Variants in CC2D1A observed in about 807,000 individuals in gnomAD.
CC2D1A encodes the protein coiled-coil and C2 domain-containing protein 1A.
In CC2D1A, 68 loss-of-function variants were observed where a neutral mutation model predicts 123.8. The ratio of observed to expected loss-of-function variants is 0.55; its 90% confidence interval spans 0.45 to 0.67. The LOEUF (loss-of-function observed/expected upper bound fraction) is 0.67, where lower values mean the gene tolerates loss of function less well. Ranked by LOEUF, CC2D1A falls within the 30% of genes least tolerant of loss-of-function variation. The probability of loss-of-function intolerance (pLI) is 0.00; values close to 1 mark genes in which losing one functional copy is unlikely to be tolerated. For synonymous variants in CC2D1A, 477 were observed against 528.0 expected (o/e 0.90, Z 1.32); for missense variants, 1,185 against 1,290.3 (o/e 0.92, Z 1.25).
chr19:13,926,380 A>G (rs2145365400), intron 17 of CC2D1A, 137 bp from the exon 18 acceptor site: 1 of 672,142 alleles, frequency 1.5e-6, no homozygotes, highest in Non-Finnish European at 2.6e-6. Flanking sequence ...AAATGAGCCC[A>G]GGAGCTGAGA....
chr19:13,912,345 TG>T lies in CC2D1A; in HGVS notation c.220del (p.Glu74ArgfsTer8). On this transcript the variant is annotated frameshift_variant, in exon 3 of 29. Transcript: ENST00000318003. LOFTEE classifies it high-confidence loss of function. ...GKGPLPMEAI[E>X]KMASLCMRDP... ...CAGGTCCCTTGCCGATGGAGGCCAT[TG>T]AGAAGATGGCCAGCCTGTGCATGAG... 6.2e-7 allele frequency: 1 copy of T among 1,610,344 alleles called. No individual in the cohort carries two copies. The highest frequency in any genetic ancestry group is 8.5e-7 in the Non-Finnish European group (1 of 1,178,476).
Position 13,906,601 on chromosome 19 carries a change from CACA to C in CC2D1A, c.60+101_60+103del, listed in dbSNP as rs1970747956. Reference sequence around the variant, plus strand: ...CCCCAGGGAAGCCCGATCTCCGCCCCACAGGTAAGCCCCGGTCCCCGCCTCCCC... The same window carrying C: ...CCCCAGGGAAGCCCGATCTCCGCCCCGGTAAGCCCCGGTCCCCGCCTCCCC... On this transcript the variant is annotated intron_variant, in intron 1 of 28. Transcript: ENST00000318003. The surrounding 1 kb of genome is among the most constrained non-coding windows in gnomAD (Gnocchi z 4.1). 1 of 699,300 alleles carries C rather than the reference CACA, an allele frequency of 1.4e-6. No individual in the cohort carries two copies. Among genetic ancestry groups the C allele is most frequent in the South Asian group, 2.1e-5 (1 of 46,548 alleles). The allele number at this position is 699,300 out of a possible 1,614,324, so 43.3% of individuals were successfully genotyped here.
intron 3 of CC2D1A, 35 bp downstream of exon 3, chr19:13,912,473 G>T: frequency 1.2e-6 from 2 of 1,614,008 alleles, no homozygotes; most frequent in Non-Finnish European, 1.7e-6. Context: ...GCTCTGATCC[G>T]GTTGCCCCCA....
intron 14 of CC2D1A, among the ~76,000 whole-genome samples, chr19:13,921,592 C>A (rs1442646760): frequency 6.6e-6 from 1 of 151,934 alleles, no homozygotes; most frequent in Non-Finnish European, 1.5e-5. Flanking sequence ...AACTGGGCGC[C>A]CAGCAAAGGC....
chr19:13,918,560 C>T lies in CC2D1A; in HGVS notation c.930C>T (p.Cys310=), dbSNP rs1462298940. ...LSRGEPVDLS[C]LPPPPDQLPP... ...GGGGTGAGCCCGTGGACCTCTCCTG[C>T]CTGCCCCCTCCACCCGGTGAGAACC... The change falls in exon 8 of 29, where the codon TGC becomes TGT. Residue 310 remains cysteine (C), a synonymous_variant. Transcript: ENST00000318003. 6.2e-7 allele frequency: 1 copy of T among 1,613,620 alleles called. No homozygotes were observed. The highest frequency in any genetic ancestry group is 8.5e-7 in the Non-Finnish European group (1 of 1,179,948).
rs887060252 is a variant in CC2D1A, at chr19:13,906,660, G to A, written c.60+159G>A. On this transcript the variant is annotated intron_variant, in intron 1 of 28. Transcript: ENST00000318003. The surrounding 1 kb of genome is among the most constrained non-coding windows in gnomAD (Gnocchi z 4.1). The stretch of plus-strand genomic sequence containing the variant: ...TGAGGCTCCAACACCACCCAAGTGT[G>A]GCCTACTGGCCTTGGCTCCCCAGCT... 6.6e-6 allele frequency among the ~76,000 whole-genome samples: 1 copy of A among 152,194 alleles called. No homozygotes were observed. The highest frequency in any genetic ancestry group is 1.5e-5 in the Non-Finnish European group (1 of 68,034).
At position 13,919,456 on chromosome 19, in the gene CC2D1A, C is replaced by G. The variant is rs570606151; in HGVS notation, c.1222+254C>G. ...GTCTGCACTGTAGAAATTGGCAAACCGGCTGGACGAGGTGGTCATGTCTGT... is the reference window on the plus strand; with the variant it reads ...GTCTGCACTGTAGAAATTGGCAAACGGGCTGGACGAGGTGGTCATGTCTGT... On this transcript the variant is annotated intron_variant, in intron 11 of 28. Transcript: ENST00000318003. Among the ~76,000 whole-genome samples, 14 of 152,216 alleles carry G rather than the reference C, an allele frequency of 9.2e-5. No individual in the cohort carries two copies. In the South Asian group the frequency reaches 2.9e-3, roughly 32 times the overall value.
At chr19:13,909,565 G>A in intron 1 of CC2D1A, 1 of 516,836 alleles carries the variant, frequency 1.9e-6, no homozygotes, top group Non-Finnish European at 3.7e-6. Context: ...ACTTGGCCCA[G>A]CAGCACATCA....
chr19:13,914,927 G>A (rs557546670), intron 6 of CC2D1A, among the ~76,000 whole-genome samples: 1 of 152,354 alleles, frequency 6.6e-6, no homozygotes, highest in East Asian at 1.9e-4. Context: ...TTTGTGATAT[G>A]AACACGGGGC....
intron 9 of CC2D1A, 38 bp downstream of exon 9, chr19:13,918,855 G>A (rs756537978): frequency 3.7e-6 from 6 of 1,610,392 alleles, no homozygotes; most frequent in Admixed American, 1.7e-5. Flanking sequence ...GGGCAGGCTG[G>A]AGCCAGACTG....
At chr19:13,919,261 C>T in intron 11 of CC2D1A, 59 bp downstream of exon 11, 4 of 1,356,552 alleles carry the variant, frequency 2.9e-6, no homozygotes, top group South Asian at 2.7e-5. Flanking sequence ...GGCCCCGCCC[C>T]CAGAGGCCCC....
chr19:13,930,425 A>T lies in CC2D1A; in HGVS notation c.*30A>T. The T allele has an allele frequency of 6.3e-7, 1 of 1,583,198 alleles. No homozygotes were observed. The highest frequency in any genetic ancestry group is 8.6e-7 in the Non-Finnish European group (1 of 1,166,032). On this transcript the variant is annotated 3_prime_UTR_variant, in exon 29 of 29. Transcript: ENST00000318003. The surrounding 1 kb of genome is among the most constrained non-coding windows in gnomAD (Gnocchi z 6.8). ...CCCATGGGGCGGGCAGCCCCCAGAA[A>T]GCGGGCAGCAGGCCCCGATACCGGG... is the stretch of plus-strand genomic sequence containing the variant.
chr19:13,927,325 T>A, intron 22 of CC2D1A, 60 bp downstream of exon 22: 1 of 1,402,064 alleles, frequency 7.1e-7, no homozygotes, highest in Non-Finnish European at 1.0e-6. Context: ...TTAACATTAT[T>A]AAAACACTTC....
chr19:13,920,791 C>T lies in CC2D1A; in HGVS notation c.1510C>T (p.Leu504Phe), dbSNP rs769633218. 1 of 1,614,044 alleles carries T rather than the reference C, an allele frequency of 6.2e-7. No homozygotes were observed. The highest frequency in any genetic ancestry group is 1.1e-5 in the South Asian group (1 of 91,080). Residue 504 changes from leucine (L) to phenylalanine (F), a missense_variant, in exon 14 of 29, where the codon CTC (leucine) becomes TTC (phenylalanine). Transcript: ENST00000318003. ...CTTCCTAGAGGGCCGCAAGAAGCAG[C>T]TCCTGCAGGCCGCACTGCGAGCCAA... ...LAFLEGRKKQ[L>F]LQAALRAKQK...
chr19:13,908,154 C>G (rs761010118), intron 1 of CC2D1A, among the ~76,000 whole-genome samples: 4 of 150,764 alleles, frequency 2.7e-5, no homozygotes, highest in African/African-American at 9.7e-5. Flanking sequence ...TACAGGCATG[C>G]GCCACCATGC....
At chr19:13,921,006 T>C (rs1971396059) in intron 14 of CC2D1A, 84 bp downstream of exon 14, 1 of 1,330,204 alleles carries the variant, frequency 7.5e-7, no homozygotes, top group Non-Finnish European at 1.0e-6. Context: ...ACTAGAAGTG[T>C]ATTAGTCAAG....
At position 13,912,323 on chromosome 19, in the gene CC2D1A, G is replaced by C. The variant is rs538906450; in HGVS notation, c.197G>C (p.Gly66Ala). 1 of 1,596,936 alleles carries C rather than the reference G, an allele frequency of 6.3e-7. No homozygotes were observed. The highest frequency in any genetic ancestry group is 2.3e-5 in the East Asian group (1 of 43,932). Residue 66 changes from glycine to alanine, a missense_variant and splice_region_variant, in exon 3 of 29, where the codon GGT becomes GCT. Coordinates refer to ENST00000318003, the MANE Select transcript of CC2D1A (RefSeq NM_017721.5). The stretch of plus-strand genomic sequence containing the variant: ...ACCTGGGGCATCCCCCTACCGCCAG[G>C]TCCCTTGCCGATGGAGGCCATTGAG... ...PPALEKLKGK[G>A]PLPMEAIEKM...
At position 13,913,578 on chromosome 19, in the gene CC2D1A, G is replaced by A. The variant is rs1340956230; in HGVS notation, c.688G>A (p.Gly230Arg). The A allele has an allele frequency of 6.2e-7, 1 of 1,613,948 alleles. No homozygotes were observed. Among genetic ancestry groups the A allele is most frequent in the South Asian group, 1.1e-5 (1 of 91,074 alleles). Reference protein sequence around the residue: ...SAPEPRVTLEGPSATAPASSP... With the variant: ...SAPEPRVTLERPSATAPASSP... ...CCCAGAGCCCAGGGTCACCCTGGAGGGACCTTCTGCCACCGCCCCAGCCTC... is the reference window on the plus strand; with the variant it reads ...CCCAGAGCCCAGGGTCACCCTGGAGAGACCTTCTGCCACCGCCCCAGCCTC... Residue 230 changes from glycine (G) to arginine (R), a missense_variant, in exon 6 of 29, where the codon GGA becomes AGA. Gly to Arg is a moderately radical substitution (Grantham distance 125). Transcript: ENST00000318003.
rs376443152 is a variant in CC2D1A at position 13,929,657 on chromosome 19, C to T, written c.2707C>T (p.Arg903Trp). 240 of 1,294,950 alleles carry T rather than the reference C, an allele frequency of 1.9e-4. 3 individuals are homozygous for T. In the Middle Eastern group the frequency reaches 2.3e-3, roughly 12 times the overall value. 80.2% of individuals were successfully genotyped at this position (1,294,950 alleles called of 1,614,324 possible). Reference sequence around the variant, plus strand: ...GGAGCAGGGGGGTGTGGGCATCCGACGGGGTAGGGGTTTGGAGATGGGCAT... The same window carrying T: ...GGAGCAGGGGGGTGTGGGCATCCGATGGGGTAGGGGTTTGGAGATGGGCAT... ...QLEQGGVGIR[R>W]EYAAQLERQL... The change falls in exon 26 of 29, where the codon CGG becomes TGG. Residue 903 changes from arginine to tryptophan, a missense_variant. Physicochemically the swap from Arg to Trp is moderately radical, Grantham distance 101. Coordinates refer to ENST00000318003, the MANE Select transcript of CC2D1A (RefSeq NM_017721.5).
Sources: allele counts gnomAD v4.1 joint callset (sites outside exome capture counted in the v4.1 genomes callset), GRCh38; gene constraint gnomAD v4.1.1; non-coding constraint Gnocchi (gnomAD v3.1); transcripts MANE v1.5; gene names NCBI Gene and HGNC (gene_info 2026-07-23, HGNC 2026-07-21).